The following CCBE1 variants were observed in gnomAD, a reference collection of about 807,000 sequenced individuals.
CCBE1 encodes the protein collagen and calcium binding EGF domains 1, also known as collagen and calcium-binding EGF domain-containing protein 1.
In CCBE1, 37 loss-of-function variants were observed where a neutral mutation model predicts 50.0. The ratio of observed to expected loss-of-function variants is 0.74; its 90% CI spans 0.57 to 0.97. The LOEUF (loss-of-function observed/expected upper bound fraction) is 0.97, where lower values mean the gene tolerates loss of function less well. Among genes scored for constraint, CCBE1 ranks in the 50% least tolerant of loss-of-function variants. The pLI is 0.00. For synonymous variants in CCBE1, 234 were observed against 203.7 expected (o/e 1.15, Z -1.27); for missense variants, 538 against 523.8 (o/e 1.03, Z -0.26).
At chr18:59,665,077 T>C (rs2054335404) in intron 2 of CCBE1, among the ~76,000 whole-genome samples, 1 of 152,148 alleles carries the variant, frequency 6.6e-6, no homozygotes, top group Admixed American at 6.5e-5. Flanking sequence ...TGCATGGGAA[T>C]AATCAGATAC....
chr18:59,491,592 TCACCTGAGC>T (rs769496803), intron 2 of CCBE1, among the ~76,000 whole-genome samples: 14,110 of 152,242 alleles, frequency 0.093, 851 homozygotes, highest in Middle Eastern at 0.19. Flanking sequence ...GGCGGGCGGA[TCACCTGAGC>T]TCAGGAGTTC....
intron 2 of CCBE1, among the ~76,000 whole-genome samples, chr18:59,637,071 T>A (rs529866769): frequency 6.6e-6 from 1 of 152,220 alleles, no homozygotes; most frequent in Non-Finnish European, 1.5e-5. Context: ...GTTCTCCCAA[T>A]GCATTACCTT....
chr18:59,522,406 C>T (rs143375589), intron 2 of CCBE1, among the ~76,000 whole-genome samples: 72 of 152,240 alleles, frequency 4.7e-4, no homozygotes, highest in African/African-American at 1.7e-3. Context: ...ACCTGAAATA[C>T]TTCTAACATT....
intron 2 of CCBE1, among the ~76,000 whole-genome samples, chr18:59,550,778 C>G (rs1436302570): frequency 6.6e-6 from 1 of 151,734 alleles, no homozygotes; most frequent in Non-Finnish European, 1.5e-5. Context: ...CCTGTAATCC[C>G]AGCACTGTGG....
At chr18:59,476,782 G>C (rs926662902) in intron 3 of CCBE1, among the ~76,000 whole-genome samples, 3 of 152,196 alleles carry the variant, frequency 2.0e-5, no homozygotes, top group African/African-American at 7.2e-5. Context: ...AACTTGGCTA[G>C]GCCATGGTAC....
intron 7 of CCBE1, among the ~76,000 whole-genome samples, chr18:59,441,391 T>TC (rs1910414775): frequency 6.6e-6 from 1 of 150,602 alleles, no homozygotes; most frequent in Admixed American, 6.6e-5. Flanking sequence ...GTACCTGTAA[T>TC]CCCAGCTACT....
chr18:59,565,755 A>ATT lies in CCBE1; in HGVS notation c.213-85519_213-85518dup, dbSNP rs35917762. On this transcript the variant is annotated intron_variant, in intron 2 of 10. Transcript: ENST00000439986. Reference sequence around the variant, plus strand: ...AGAGGGGAAGACGGGTTGTCACTAGATTTTTTTTTTTTCTTTTTTTAAGAA... The same window carrying ATT: ...AGAGGGGAAGACGGGTTGTCACTAGATTTTTTTTTTTTTTCTTTTTTTAAGAA... 9.7e-3 allele frequency among the ~76,000 whole-genome samples: 1,431 copies of ATT among 147,554 alleles called. 13 individuals carry two copies. Among genetic ancestry groups the ATT allele is most frequent in the African/African-American group, 0.033 (1,340 of 40,428 alleles).
intron 5 of CCBE1, among the ~76,000 whole-genome samples, chr18:59,457,848 G>C (rs1455793451): frequency 6.6e-6 from 1 of 152,164 alleles, no homozygotes; most frequent in East Asian, 1.9e-4. Flanking sequence ...CTGAGAACCA[G>C]AATTATTTAG....
intron 2 of CCBE1, among the ~76,000 whole-genome samples, chr18:59,561,406 G>A (rs1240578293): frequency 1.3e-5 from 2 of 152,190 alleles, no homozygotes; most frequent in African/African-American, 4.8e-5. Flanking sequence ...AGGGGGTGGA[G>A]TGTAAGTTAC....
intron 2 of CCBE1, among the ~76,000 whole-genome samples, chr18:59,573,330 C>A (rs1263991818): frequency 8.2e-6 from 1 of 121,382 alleles, no homozygotes; most frequent in Non-Finnish European, 1.8e-5. Context: ...CTCATCCAAT[C>A]AGTTGAAGAC....
At position 59,474,568 on chromosome 18, in the gene CCBE1, G is replaced by A. The variant is rs115840627; in HGVS notation, c.266-4961C>T. ...AAAATTCAATGTGTGAGCATTTACCGAAACCCTCCTTTTTCAGTACTGGGC... is the reference window on the plus strand; with the variant it reads ...AAAATTCAATGTGTGAGCATTTACCAAAACCCTCCTTTTTCAGTACTGGGC... On this transcript the variant is annotated intron_variant, in intron 3 of 10. Coordinates refer to ENST00000439986, the MANE Select transcript of CCBE1 (RefSeq NM_133459.4). 6.8e-3 allele frequency among the ~76,000 whole-genome samples: 1,031 copies of A among 152,230 alleles called. 10 individuals carry two copies. Among genetic ancestry groups the A allele is most frequent in the African/African-American group, 0.024 (988 of 41,542 alleles).
chr18:59,664,169 G>A (rs1004489773), intron 2 of CCBE1, among the ~76,000 whole-genome samples: 3 of 152,104 alleles, frequency 2.0e-5, no homozygotes, highest in African/African-American at 7.2e-5. Flanking sequence ...GGACAAGGCA[G>A]CCCTATAGGG....
chr18:59,569,855 T>G (rs1312288028), intron 2 of CCBE1, among the ~76,000 whole-genome samples: 1 of 152,188 alleles, frequency 6.6e-6, no homozygotes, highest in Non-Finnish European at 1.5e-5. Flanking sequence ...GGTCTTAAAC[T>G]CCTGGCCTCA....
At chr18:59,645,491 G>C (rs1411677585) in intron 2 of CCBE1, among the ~76,000 whole-genome samples, 1 of 152,136 alleles carries the variant, frequency 6.6e-6, no homozygotes, top group Middle Eastern at 3.2e-3. Context: ...GCTTATCTAT[G>C]GTACTTTGTC....
In CCBE1 at chr18:59,696,605, A is replaced by G. The variant is rs28429325; in HGVS notation, c.212+24T>C. On this transcript the variant is annotated intron_variant, in intron 2 of 10. Coordinates refer to ENST00000439986, the MANE Select transcript of CCBE1 (RefSeq NM_133459.4). The stretch of plus-strand genomic sequence containing the variant: ...CCAGCCCCGGTGCGCAGTGGCGAAC[A>G]GCCCGCAGAGCCCCCAGGCTTACCT... The G allele has an allele frequency of 3.2e-3, 5,206 of 1,613,176 alleles. 161 individuals carry two copies. In the African/African-American group the frequency reaches 0.062, roughly 19 times the overall value.
At chr18:59,580,153 T>C (rs1435015485) in intron 2 of CCBE1, among the ~76,000 whole-genome samples, 1 of 152,224 alleles carries the variant, frequency 6.6e-6, no homozygotes, top group Non-Finnish European at 1.5e-5. Flanking sequence ...AGCTGGGAAC[T>C]GCTTAGGGCA....
intron 2 of CCBE1, among the ~76,000 whole-genome samples, chr18:59,640,248 C>G (rs1237448541): frequency 6.6e-6 from 1 of 152,112 alleles, no homozygotes; most frequent in Non-Finnish European, 1.5e-5. Flanking sequence ...TAGGTTACAG[C>G]AACCAAAACA....
At chr18:59,529,277 G>A (rs1433298503) in intron 2 of CCBE1, among the ~76,000 whole-genome samples, 3 of 152,198 alleles carry the variant, frequency 2.0e-5, no homozygotes, top group Admixed American at 6.5e-5. Flanking sequence ...GCTGTGCTGT[G>A]GGGAATTCCT....
chr18:59,613,032 G>A (rs568077256), intron 2 of CCBE1, among the ~76,000 whole-genome samples: 3 of 151,936 alleles, frequency 2.0e-5, no homozygotes, highest in East Asian at 1.9e-4. Context: ...AAAGGAATTC[G>A]GAGAAGACAG....
Sources: allele counts gnomAD v4.1 joint callset (sites outside exome capture counted in the v4.1 genomes callset), GRCh38; gene constraint gnomAD v4.1.1; transcripts MANE v1.5; gene names NCBI Gene and HGNC (gene_info 2026-07-23, HGNC 2026-07-21).